ADGRG6: variants seen among roughly 807,000 people sequenced by gnomAD.
ADGRG6 encodes adhesion G protein-coupled receptor G6, also known as G-protein coupled receptor 126.
In ADGRG6, 84 loss-of-function variants were observed where a neutral mutation model predicts 142.4. The observed-to-expected ratio is 0.59, with a 90% confidence interval of 0.49 to 0.71. The LOEUF is 0.71. Among genes scored for constraint, ADGRG6 ranks in the 30% least tolerant of loss-of-function variants. ADGRG6 has a pLI of 0.00. For missense variants in ADGRG6, 1,367 were observed against 1,466.6 expected (o/e 0.93, Z 1.11); for synonymous variants, 521 against 520.5 (o/e 1.00, Z -0.01).
chr6:142,346,202 G>A (rs1779892723), intron 2 of ADGRG6, among the ~76,000 whole-genome samples: 1 of 152,136 alleles, frequency 6.6e-6, no homozygotes, highest in African/African-American at 2.4e-5. Flanking sequence ...CCCACTGTAA[G>A]AGTAGATCCA....
At chr6:142,418,020 C>T (rs924919203) in intron 21 of ADGRG6, among the ~76,000 whole-genome samples, 3 of 152,002 alleles carry the variant, frequency 2.0e-5, no homozygotes, top group African/African-American at 4.8e-5. Context: ...ATCGGCTGGG[C>T]GCAGTGGCTT....
chr6:142,385,143 G>A (rs531506672), intron 6 of ADGRG6, among the ~76,000 whole-genome samples: 3 of 152,170 alleles, frequency 2.0e-5, no homozygotes, highest in Admixed American at 6.5e-5. Flanking sequence ...ACATTTATAC[G>A]GTGCTTCAGA....
chr6:142,443,530 A>G lies in ADGRG6; in HGVS notation c.*15A>G. ...CAAAGTTTTAATGTCTTTAAGAAAA[A>G]GAAATCAATCTGCAGAAATGTGAAG... On this transcript the variant is annotated 3_prime_UTR_variant, in exon 25 of 25. Coordinates refer to ENST00000367609, the MANE Select transcript of ADGRG6 (RefSeq NM_198569.3). The G allele has an allele frequency of 6.3e-7, 1 of 1,578,326 alleles. No homozygotes were observed. The highest frequency in any genetic ancestry group is 1.1e-5 in the South Asian group (1 of 87,974).
At chr6:142,425,674 G>A (rs1343916727) in intron 22 of ADGRG6, among the ~76,000 whole-genome samples, 1 of 152,092 alleles carries the variant, frequency 6.6e-6, no homozygotes, top group Non-Finnish European at 1.5e-5. Context: ...ATGTGTTTGA[G>A]CTGGGTCTGC....
At chr6:142,304,601 A>T (rs563658303) in intron 1 of ADGRG6, among the ~76,000 whole-genome samples, 1 of 152,350 alleles carries the variant, frequency 6.6e-6, no homozygotes, top group South Asian at 2.1e-4. Context: ...GAATTAGTTT[A>T]CATATTAAAA....
chr6:142,329,849 A>G (rs1778955781), intron 2 of ADGRG6, among the ~76,000 whole-genome samples: 1 of 152,206 alleles, frequency 6.6e-6, no homozygotes. Context: ...CAACAGTCAC[A>G]TATCTGCCAC....
rs369969840 is a variant in ADGRG6 at position 142,381,945 on chromosome 6, A to C, written c.1070-6A>C. 9 of 1,571,606 alleles carry C rather than the reference A, an allele frequency of 5.7e-6. No individual in the cohort carries two copies. The highest frequency in any genetic ancestry group is 7.0e-6 in the Non-Finnish European group (8 of 1,148,590). ...AAACTTACATATTCTTTTTGTGTTG[A>C]TCAAGGTTCCTACCTGATCCCGCTC... On this transcript the variant is annotated splice_polypyrimidine_tract_variant and splice_region_variant and intron_variant, in intron 4 of 24. Coordinates refer to ENST00000367609, the MANE Select transcript of ADGRG6 (RefSeq NM_198569.3).
chr6:142,403,929 A>G lies in ADGRG6; in HGVS notation c.2083A>G (p.Asn695Asp). Residue 695 changes from asparagine to aspartate, a missense_variant, in exon 14 of 25, where the codon AAT becomes GAT. Physicochemically the swap from Asn to Asp is conservative, Grantham distance 23. This residue lies in a region of ADGRG6 where 286 missense variants were observed against 371.4 expected (regional missense o/e 0.77). Transcript: ENST00000367609. ...GTTACCAGGGACAAATGCAATTTCAAATTTTAGCATTGGTCTTCCAAGCAA... is the reference window on the plus strand; with the variant it reads ...GTTACCAGGGACAAATGCAATTTCAGATTTTAGCATTGGTCTTCCAAGCAA... ...SLLPGTNAIS[N>D]FSIGLPSNNE... 6.2e-7 allele frequency: 1 copy of G among 1,611,154 alleles called. No homozygotes were observed. Among genetic ancestry groups the G allele is most frequent in the Non-Finnish European group, 8.5e-7 (1 of 1,177,902 alleles).
chr6:142,354,583 T>A (rs1583026831), intron 2 of ADGRG6, among the ~76,000 whole-genome samples: 1 of 152,288 alleles, frequency 6.6e-6, no homozygotes, highest in Non-Finnish European at 1.5e-5. Flanking sequence ...ATAAGACAAA[T>A]AGTAATCAAG....
At chr6:142,377,238 G>T (rs1175275790) in intron 4 of ADGRG6, among the ~76,000 whole-genome samples, 1 of 152,180 alleles carries the variant, frequency 6.6e-6, no homozygotes, top group Non-Finnish European at 1.5e-5. Flanking sequence ...GGGCAAAAAG[G>T]AAAAACAAAA....
chr6:142,410,595 T>G (rs1372520105), intron 17 of ADGRG6, among the ~76,000 whole-genome samples: 1 of 152,112 alleles, frequency 6.6e-6, no homozygotes, highest in Non-Finnish European at 1.5e-5. Flanking sequence ...GGTACTTTGC[T>G]GATGAAAACA....
At chr6:142,321,488 A>G (rs2114610452) in intron 2 of ADGRG6, among the ~76,000 whole-genome samples, 1 of 152,228 alleles carries the variant, frequency 6.6e-6, no homozygotes, top group East Asian at 1.9e-4. Flanking sequence ...AGATTTTGGT[A>G]TATTCATAAT....
At chr6:142,314,828 C>T (rs1777949369) in intron 2 of ADGRG6, among the ~76,000 whole-genome samples, 1 of 152,102 alleles carries the variant, frequency 6.6e-6, no homozygotes, top group Admixed American at 6.6e-5. Context: ...AAATGACTCT[C>T]TTAGTAATTA....
intron 2 of ADGRG6, among the ~76,000 whole-genome samples, chr6:142,353,412 A>G (rs1053678236): frequency 6.6e-6 from 1 of 152,194 alleles, no homozygotes. Context: ...AAACATTCTT[A>G]GTGTAGGATG....
At chr6:142,354,778 C>A (rs903865936) in intron 2 of ADGRG6, among the ~76,000 whole-genome samples, 5 of 152,124 alleles carry the variant, frequency 3.3e-5, no homozygotes, top group South Asian at 2.1e-4. Flanking sequence ...AATTCCCAAG[C>A]AAATCAAGTT....
chr6:142,428,460 T>A (rs1410199929), intron 22 of ADGRG6, among the ~76,000 whole-genome samples: 1 of 152,090 alleles, frequency 6.6e-6, no homozygotes, highest in African/African-American at 2.4e-5. Context: ...GGATAATGCT[T>A]TGGTCTTTTA....
intron 1 of ADGRG6, among the ~76,000 whole-genome samples, chr6:142,307,591 A>T (rs1369365076): frequency 6.6e-6 from 1 of 151,958 alleles, no homozygotes; most frequent in African/African-American, 2.4e-5. Context: ...GTAATATCCT[A>T]TTTACAGAAG....
chr6:142,350,068 A>AC lies in ADGRG6; in HGVS notation c.104-17501_104-17500insC, dbSNP rs547928702. 4.8e-3 allele frequency among the ~76,000 whole-genome samples: 735 copies of AC among 152,346 alleles called. 9 individuals carry two copies. Among genetic ancestry groups the AC allele is most frequent in the African/African-American group, 0.017 (697 of 41,582 alleles). ...GAAAAGCTTACAGACTTGATTGCAT[A>AC]AGCAAGGTAATTTTTAAAAATGATA... On this transcript the variant is annotated intron_variant, in intron 2 of 24. Coordinates refer to ENST00000367609, the MANE Select transcript of ADGRG6 (RefSeq NM_198569.3).
At chr6:142,398,476 G>C (rs1026471744) in intron 10 of ADGRG6, among the ~76,000 whole-genome samples, 3 of 152,108 alleles carry the variant, frequency 2.0e-5, no homozygotes, top group Non-Finnish European at 4.4e-5. Flanking sequence ...GTCTCTATTA[G>C]TGATACCACT....
Sources: gnomAD v4.1 joint callset for allele counts (sites outside exome capture counted in the v4.1 genomes callset) on GRCh38, gnomAD v4.1.1 for gene constraint, gnomAD v4.1.1 regional missense constraint, MANE v1.5 for transcripts, NCBI Gene and HGNC (gene_info 2026-07-23, HGNC 2026-07-21) for gene names.